The following PDSS2 variants were observed in gnomAD, a reference collection of about 807,000 sequenced individuals.
The protein encoded by PDSS2 is all trans-polyprenyl-diphosphate synthase PDSS2.
A neutral mutation model predicts 44.5 loss-of-function variants in PDSS2; 31 were observed. That is an observed-to-expected ratio of 0.70 (90% CI 0.52 to 0.94). The LOEUF (loss-of-function observed/expected upper bound fraction) is 0.94, where lower values mean the gene tolerates loss of function less well. Ranked by LOEUF, PDSS2 falls within the 40% of genes least tolerant of loss-of-function variation. The pLI is 0.00. For synonymous variants in PDSS2, 157 were observed against 180.3 expected (o/e 0.87, Z 1.03); for missense variants, 452 against 482.2 (o/e 0.94, Z 0.59).
At chr6:107,232,221 T>C (rs1774076914) in intron 4 of PDSS2, among the ~76,000 whole-genome samples, 1 of 152,194 alleles carries the variant, frequency 6.6e-6, no homozygotes. Flanking sequence ...AGCACCTTCA[T>C]GTTTATACTA....
At chr6:107,437,756 A>G (rs1356313231) in intron 1 of PDSS2, among the ~76,000 whole-genome samples, 1 of 152,088 alleles carries the variant, frequency 6.6e-6, no homozygotes, top group Non-Finnish European at 1.5e-5. Context: ...AAGTAGATAG[A>G]TCTGCACAGT....
chr6:107,458,320 C>T (rs1447573965), intron 1 of PDSS2, among the ~76,000 whole-genome samples: 1 of 143,546 alleles, frequency 7.0e-6, no homozygotes, highest in Non-Finnish European at 1.5e-5. Context: ...CCCGTATCTA[C>T]TAAAAATACA....
At chr6:107,171,299 C>G (rs1771566318) in intron 7 of PDSS2, among the ~76,000 whole-genome samples, 1 of 151,850 alleles carries the variant, frequency 6.6e-6, no homozygotes, top group South Asian at 2.1e-4. Flanking sequence ...GTAGCTGGCA[C>G]TACAGGCACG....
At chr6:107,214,532 T>A (rs1416853599) in intron 4 of PDSS2, among the ~76,000 whole-genome samples, 1 of 152,160 alleles carries the variant, frequency 6.6e-6, no homozygotes, top group Non-Finnish European at 1.5e-5. Context: ...TAAAACCATG[T>A]TCATTTTATG....
chr6:107,320,560 A>T (rs534005920), intron 2 of PDSS2, among the ~76,000 whole-genome samples: 26 of 152,302 alleles, frequency 1.7e-4, no homozygotes, highest in African/African-American at 6.0e-4. Context: ...AGTCTATTTT[A>T]AAAAAAGGTT....
At chr6:107,360,972 G>C (rs768623651) in intron 1 of PDSS2, among the ~76,000 whole-genome samples, 2 of 152,084 alleles carry the variant, frequency 1.3e-5, no homozygotes, top group Admixed American at 1.3e-4. Flanking sequence ...GATTTATATA[G>C]AAGACAGCTT....
chr6:107,417,768 T>C (rs1780706395), intron 1 of PDSS2, among the ~76,000 whole-genome samples: 1 of 114,224 alleles, frequency 8.8e-6, no homozygotes, highest in Non-Finnish European at 1.8e-5. Flanking sequence ...TTCAAAAAAA[T>C]TAATAATAAT....
chr6:107,402,477 T>TAA, intron 1 of PDSS2, among the ~76,000 whole-genome samples: 2 of 134,030 alleles, frequency 1.5e-5, no homozygotes, highest in Non-Finnish European at 1.6e-5. Flanking sequence ...TATATATGTA[T>TAA]ACATATATAC....
chr6:107,378,568 C>T (rs1320159286), intron 1 of PDSS2, among the ~76,000 whole-genome samples: 1 of 151,974 alleles, frequency 6.6e-6, no homozygotes, highest in Non-Finnish European at 1.5e-5. Flanking sequence ...GGTGGATCAC[C>T]TGAGGTCAGG....
intron 2 of PDSS2, among the ~76,000 whole-genome samples, chr6:107,317,276 T>C (rs1777230597): frequency 6.6e-6 from 1 of 152,118 alleles, no homozygotes; most frequent in Non-Finnish European, 1.5e-5. Flanking sequence ...ATGGTTTAGG[T>C]ATTATTAGAT....
intron 5 of PDSS2, among the ~76,000 whole-genome samples, chr6:107,211,734 CAAAA>C (rs772288348): frequency 1.3e-5 from 1 of 76,950 alleles, no homozygotes; most frequent in Non-Finnish European, 3.0e-5. Flanking sequence ...GACTCCATCT[CAAAA>C]AAAAAAAAAA....
intron 1 of PDSS2, among the ~76,000 whole-genome samples, chr6:107,422,098 A>AC (rs1780844572): frequency 1.3e-5 from 2 of 151,450 alleles, no homozygotes; most frequent in Non-Finnish European, 1.5e-5. Flanking sequence ...AAAAAAAAAA[A>AC]AAAACTTAAA....
chr6:107,289,643 CCAAGATCATGCCACTGCACTCCAGCCTGG>C, intron 2 of PDSS2, among the ~76,000 whole-genome samples: 1 of 151,884 alleles, frequency 6.6e-6, no homozygotes, highest in Non-Finnish European at 1.5e-5. Flanking sequence ...CTGCAGTCAG[CCAAGATCATGCCACTGCACTCCAGCCTGG>C]GAGACAGAAT....
chr6:107,459,354 G>T lies in PDSS2; in HGVS notation c.-69C>A. On this transcript the variant is annotated 5_prime_UTR_variant, in exon 1 of 8. The change creates a new upstream start codon in the 5' untranslated region. Transcript: ENST00000369037. This position sits in a 1 kb window ranked among gnomAD's most constrained non-coding sequence, Gnocchi z 4.3. The stretch of plus-strand genomic sequence containing the variant: ...TGCCGCGGGAAACAAACCAGGGGCA[G>T]AGGAGGAACTTACAGTAACTAAAAG... The T allele has an allele frequency of 7.5e-7, 1 of 1,326,452 alleles. No individual in the cohort carries two copies. The highest frequency in any genetic ancestry group is 1.1e-6 in the Non-Finnish European group (1 of 927,576). 82.2% of individuals were successfully genotyped at this position (1,326,452 alleles called of 1,614,324 possible).
At chr6:107,261,208 T>C (rs1775210589) in intron 3 of PDSS2, among the ~76,000 whole-genome samples, 1 of 152,182 alleles carries the variant, frequency 6.6e-6, no homozygotes, top group African/African-American at 2.4e-5. Context: ...GTATACTGTG[T>C]CTCTTTCTGT....
intron 7 of PDSS2, among the ~76,000 whole-genome samples, chr6:107,163,158 T>C (rs1449062385): frequency 6.6e-6 from 1 of 152,228 alleles, no homozygotes; most frequent in Admixed American, 6.5e-5. Flanking sequence ...TGTTCCTCTA[T>C]GAGCTTTATT....
At chr6:107,315,869 G>A (rs772703844) in intron 2 of PDSS2, among the ~76,000 whole-genome samples, 3 of 152,126 alleles carry the variant, frequency 2.0e-5, no homozygotes, top group Non-Finnish European at 4.4e-5. Flanking sequence ...GAAGGTGGGC[G>A]AACAAGTGAG....
Position 107,458,992 on chromosome 6 carries a change from G to A in PDSS2, c.294C>T (p.Ala98=), listed in dbSNP as rs967087067. ...VGTQHPLLTT[A]RGLVHDSWNS... ...TCAGCGGGAGAGGGGTAGCTCACCT[G>A]GCTGTGGTAAGCAGAGGGTGCTGAG... The change falls in exon 1 of 8, where the codon GCC becomes GCT. Residue 98 remains alanine, a splice_region_variant and synonymous_variant. Coordinates refer to ENST00000369037, the MANE Select transcript of PDSS2 (RefSeq NM_020381.4). 1.2e-6 allele frequency: 2 copies of A among 1,613,586 alleles called. No homozygotes were observed. Among genetic ancestry groups the A allele is most frequent in the Non-Finnish European group, 1.7e-6 (2 of 1,179,624 alleles).
chr6:107,406,778 A>G (rs1052605179), intron 1 of PDSS2, among the ~76,000 whole-genome samples: 4 of 152,252 alleles, frequency 2.6e-5, no homozygotes, highest in Admixed American at 6.5e-5. Flanking sequence ...GTGAGATAGA[A>G]CCAGGCTGGA....
Sources: allele counts gnomAD v4.1 joint callset (sites outside exome capture counted in the v4.1 genomes callset), GRCh38; gene constraint gnomAD v4.1.1; non-coding constraint Gnocchi (gnomAD v3.1); transcripts MANE v1.5; gene names NCBI Gene and HGNC (gene_info 2026-07-23, HGNC 2026-07-21).